The following FSTL5 variants were observed in gnomAD, a reference collection of about 807,000 sequenced individuals.
FSTL5 encodes follistatin like 5, also known as follistatin-related protein 5.
In FSTL5, 62 loss-of-function variants were observed where a neutral mutation model predicts 89.1. The ratio of observed to expected loss-of-function variants is 0.70; its 90% CI spans 0.57 to 0.86. The LOEUF (loss-of-function observed/expected upper bound fraction) is 0.86, where lower values mean the gene tolerates loss of function less well. Among genes scored for constraint, FSTL5 ranks in the 40% least tolerant of loss-of-function variants. FSTL5 has a pLI of 0.00. For synonymous variants in FSTL5, 383 were observed against 346.2 expected, an observed-to-expected ratio of 1.11 and a Z score of -1.18; for missense variants, 1,057 against 1,001.6, an observed-to-expected ratio of 1.06 and a Z score of -0.75.
intron 4 of FSTL5, among the ~76,000 whole-genome samples, chr4:161,811,941 C>A (rs1730162665): frequency 6.6e-6 from 1 of 152,094 alleles, no homozygotes; most frequent in African/African-American, 2.4e-5. Flanking sequence ...ATGACTTTTA[C>A]TACTACTCAA....
chr4:162,030,623 T>G (rs557054027), intron 3 of FSTL5, among the ~76,000 whole-genome samples: 15 of 152,222 alleles, frequency 9.9e-5, no homozygotes, highest in South Asian at 2.1e-4. Context: ...CGGAGAAGGG[T>G]AAGGCTGATA....
At chr4:161,510,484 T>G in intron 10 of FSTL5, 60 bp from the exon 11 acceptor site, 1 of 935,450 alleles carries the variant, frequency 1.1e-6, no homozygotes, top group South Asian at 1.6e-5. Flanking sequence ...GCTTTTGCTA[T>G]ATGGTAATAT....
At chr4:161,982,752 G>T (rs1163974710) in intron 3 of FSTL5, among the ~76,000 whole-genome samples, 1 of 152,142 alleles carries the variant, frequency 6.6e-6, no homozygotes, top group Non-Finnish European at 1.5e-5. Flanking sequence ...ATTAAGAAAA[G>T]TTACAAAAGA....
intron 14 of FSTL5, among the ~76,000 whole-genome samples, chr4:161,457,797 T>A (rs1001868291): frequency 1.2e-4 from 18 of 152,122 alleles, no homozygotes; most frequent in Non-Finnish European, 2.6e-4. Context: ...AAATACAAAA[T>A]CTCAATTAAC....
intron 4 of FSTL5, among the ~76,000 whole-genome samples, chr4:161,912,925 C>T (rs867198910): frequency 2.6e-5 from 4 of 152,084 alleles, no homozygotes; most frequent in African/African-American, 7.2e-5. Flanking sequence ...AAAGGTGACT[C>T]TTTTTATGTT....
At chr4:161,838,491 A>G (rs556531073) in intron 4 of FSTL5, among the ~76,000 whole-genome samples, 2 of 152,102 alleles carry the variant, frequency 1.3e-5, no homozygotes, top group South Asian at 4.2e-4. Flanking sequence ...TCACCGTGTT[A>G]GCCAGGATGG....
chr4:161,653,738 T>C (rs1358172202), intron 7 of FSTL5, among the ~76,000 whole-genome samples: 4 of 152,194 alleles, frequency 2.6e-5, no homozygotes, highest in African/African-American at 9.6e-5. Context: ...TACATAGTCA[T>C]ATCGATAAAT....
intron 3 of FSTL5, among the ~76,000 whole-genome samples, chr4:161,968,487 T>C (rs1468106158): frequency 6.6e-6 from 1 of 152,160 alleles, no homozygotes; most frequent in Non-Finnish European, 1.5e-5. Flanking sequence ...CACATTCTTA[T>C]ATGGAGAAAT....
intron 15 of FSTL5, among the ~76,000 whole-genome samples, chr4:161,415,663 TAGAG>T (rs540159042): frequency 2.0e-5 from 3 of 148,574 alleles, no homozygotes; most frequent in East Asian, 2.0e-4. Flanking sequence ...CATATATATA[TAGAG>T]AGAGAGAGAG....
At chr4:161,852,379 G>A (rs1174959739) in intron 4 of FSTL5, among the ~76,000 whole-genome samples, 1 of 152,058 alleles carries the variant, frequency 6.6e-6, no homozygotes, top group Non-Finnish European at 1.5e-5. Context: ...GTGAAATTAA[G>A]AATTTCTTGC....
chr4:162,162,646 G>A (rs561996633), intron 1 of FSTL5, among the ~76,000 whole-genome samples: 5 of 152,194 alleles, frequency 3.3e-5, no homozygotes, highest in South Asian at 4.1e-4. Context: ...TTGTTCAGTC[G>A]TTTTCCACAC....
chr4:161,506,327 C>T (rs1730482167), intron 11 of FSTL5, among the ~76,000 whole-genome samples: 1 of 81,732 alleles, frequency 1.2e-5, no homozygotes, highest in African/African-American at 3.0e-5. Context: ...CCCTCTTCGG[C>T]CCCCCAAATT....
intron 13 of FSTL5, among the ~76,000 whole-genome samples, chr4:161,478,717 A>C (rs577443467): frequency 6.6e-6 from 1 of 152,240 alleles, no homozygotes; most frequent in African/African-American, 2.4e-5. Flanking sequence ...GTGTATATTT[A>C]CTAATAAAAA....
chr4:161,921,265 C>T (rs1453775120), intron 3 of FSTL5, among the ~76,000 whole-genome samples: 3 of 152,096 alleles, frequency 2.0e-5, no homozygotes, highest in Admixed American at 6.6e-5. Context: ...TGACCTTTGC[C>T]ACCTGACAAT....
chr4:161,589,884 T>C (rs1733746931), intron 7 of FSTL5, among the ~76,000 whole-genome samples: 1 of 151,876 alleles, frequency 6.6e-6, no homozygotes, highest in Non-Finnish European at 1.5e-5. Context: ...CATAAGACTC[T>C]ACACAAGCAG....
chr4:162,086,591 T>C (rs1265018404), intron 2 of FSTL5, among the ~76,000 whole-genome samples: 1 of 152,010 alleles, frequency 6.6e-6, no homozygotes, highest in Non-Finnish European at 1.5e-5. Context: ...TTTTCCTTTT[T>C]TATTACTTTT....
chr4:161,641,288 T>C (rs775814880), intron 7 of FSTL5, among the ~76,000 whole-genome samples: 2 of 152,200 alleles, frequency 1.3e-5, no homozygotes, highest in African/African-American at 4.8e-5. Flanking sequence ...TCAATTATCA[T>C]AACTTTGGTT....
chr4:161,434,019 C>CA (rs1462420112), intron 15 of FSTL5, among the ~76,000 whole-genome samples: 14 of 151,990 alleles, frequency 9.2e-5, no homozygotes, highest in African/African-American at 3.4e-4. Flanking sequence ...ATTAAAATAC[C>CA]AATGACATTC....
chr4:161,656,513 A>C lies in FSTL5; in HGVS notation c.728-19T>G. On this transcript the variant is annotated intron_variant, in intron 6 of 15. Transcript: ENST00000306100. ...ATCACTTCTGTAAAGATGAAGTGTC[A>C]GTAATGTTGATGAGCATTTAGTTTT... 6.8e-7 allele frequency: 1 copy of C among 1,475,664 alleles called. No individual in the cohort carries two copies. The highest frequency in any genetic ancestry group is 9.0e-7 in the Non-Finnish European group (1 of 1,109,754). The allele number at this position is 1,475,664 out of a possible 1,614,324, so 91.4% of individuals were successfully genotyped here.
Sources: gnomAD v4.1 joint callset for allele counts (sites outside exome capture counted in the v4.1 genomes callset) on GRCh38, gnomAD v4.1.1 for gene constraint, MANE v1.5 for transcripts, NCBI Gene and HGNC (gene_info 2026-07-23, HGNC 2026-07-21) for gene names.